The following UBP1 variants were observed in gnomAD, a reference collection of about 807,000 sequenced individuals.
UBP1 encodes upstream-binding protein 1.
In UBP1, 22 loss-of-function variants were observed where a neutral mutation model predicts 76.1. The observed-to-expected ratio is 0.29, with a 90% CI of 0.21 to 0.41. UBP1 has a LOEUF of 0.41. Among genes scored for constraint, UBP1 ranks in the 10% least tolerant of loss-of-function variants. UBP1 has a pLI of 1.00. For missense variants in UBP1, 436 were observed against 668.1 expected, an observed-to-expected ratio of 0.65 and a Z score of 3.83; for synonymous variants, 224 against 237.1, an observed-to-expected ratio of 0.94 and a Z score of 0.51.
At chr3:33,408,861 T>C (rs1468391084) in intron 7 of UBP1, 64 bp from the exon 8 acceptor site, 2 of 1,359,230 alleles carry the variant, frequency 1.5e-6, no homozygotes, top group Non-Finnish European at 2.1e-6. Flanking sequence ...TCTAACACCC[T>C]GTTTCATGTC....
At chr3:33,425,472 A>T in intron 2 of UBP1, 118 bp downstream of exon 2, 1 of 1,129,042 alleles carries the variant, frequency 8.9e-7, no homozygotes, top group Non-Finnish European at 1.2e-6. Context: ...TAAGTTGTAA[A>T]ATTTAAGAAA....
intron 2 of UBP1, among the ~76,000 whole-genome samples, chr3:33,418,942 G>A (rs1162176118): frequency 2.0e-5 from 3 of 150,972 alleles, no homozygotes; most frequent in African/African-American, 7.3e-5. Context: ...AAATGGACAT[G>A]TGGGTTCACA....
At chr3:33,408,474 G>A (rs2044489231) in intron 8 of UBP1, among the ~76,000 whole-genome samples, 1 of 152,032 alleles carries the variant, frequency 6.6e-6, no homozygotes, top group African/African-American at 2.4e-5. Context: ...ACCCAATATG[G>A]TCAACATTGT....
chr3:33,392,569 C>T lies in UBP1; in HGVS notation c.1579G>A (p.Val527Ile). Residue 527 changes from valine to isoleucine, a missense_variant, in exon 15 of 16, where the codon GTA (valine) becomes ATA (isoleucine). Physicochemically the swap from Val to Ile is conservative, Grantham distance 29. Coordinates refer to ENST00000283629, the MANE Select transcript of UBP1 (RefSeq NM_014517.5). ...ACACACACATGCAAAGTACCTTTTA[C>T]TGTGGAGAATAAAAAACAACTCTCA... ...QDESCFLFST[V>I]KAESSDGIHI... The T allele has an allele frequency of 1.2e-6, 2 of 1,611,366 alleles. No homozygotes were observed. Among genetic ancestry groups the T allele is most frequent in the South Asian group, 1.1e-5 (1 of 90,542 alleles).
chr3:33,397,816 A>G (rs2044066157), intron 11 of UBP1: 1 of 152,204 alleles, frequency 6.6e-6, no homozygotes, highest in African/African-American at 2.4e-5. Context: ...AGCACCACCT[A>G]GAGAAGCAGT....
At chr3:33,439,427 A>G (rs1253315692) in intron 1 of UBP1, among the ~76,000 whole-genome samples, 1 of 152,234 alleles carries the variant, frequency 6.6e-6, no homozygotes. Flanking sequence ...ACTTATAAGG[A>G]AAAGAAGCCC....
At chr3:33,396,035 G>C (rs1185804249) in intron 13 of UBP1, 127 bp downstream of exon 13, 1 of 764,178 alleles carries the variant, frequency 1.3e-6, no homozygotes, top group African/African-American at 1.7e-5. Context: ...TGCTGTCAAG[G>C]CTCCCACATG....
chr3:33,401,846 C>T (rs1278884490), intron 9 of UBP1, among the ~76,000 whole-genome samples: 2 of 152,058 alleles, frequency 1.3e-5, no homozygotes, highest in Non-Finnish European at 2.9e-5. Context: ...TTATTCAGAC[C>T]GGACTGACTG....
intron 11 of UBP1, 55 bp downstream of exon 11, chr3:33,400,134 A>G: frequency 8.3e-7 from 1 of 1,197,764 alleles, no homozygotes. Context: ...TAATAAAAGC[A>G]CAGAAACAAA....
At chr3:33,434,605 G>A (rs1010856682) in intron 1 of UBP1, among the ~76,000 whole-genome samples, 2 of 151,782 alleles carry the variant, frequency 1.3e-5, no homozygotes, top group Admixed American at 6.6e-5. Flanking sequence ...CTTTAGAGCA[G>A]GGGTTGACAA....
chr3:33,392,458 G>T, intron 15 of UBP1, 105 bp downstream of exon 15: 3 of 967,488 alleles, frequency 3.1e-6, no homozygotes, highest in Non-Finnish European at 4.5e-6. Context: ...TTCTTAAAAT[G>T]AGTAAAGCAA....
chr3:33,420,986 G>GA (rs1410001259), intron 2 of UBP1, among the ~76,000 whole-genome samples: 1 of 152,200 alleles, frequency 6.6e-6, no homozygotes, highest in Non-Finnish European at 1.5e-5. Context: ...CTAACAAGGA[G>GA]AAATTCTTTT....
chr3:33,407,444 T>C (rs532468788), intron 8 of UBP1, among the ~76,000 whole-genome samples: 55 of 151,996 alleles, frequency 3.6e-4, no homozygotes, highest in Non-Finnish European at 5.7e-4. Context: ...CATTGGTGGG[T>C]CTTCAGCTGA....
At position 33,396,280 on chromosome 3, in the gene UBP1, C is replaced by A. The variant is rs761628063; in HGVS notation, c.1272G>T (p.Arg424Ser). The A allele has an allele frequency of 6.4e-7, 1 of 1,571,986 alleles. No individual in the cohort carries two copies. The highest frequency in any genetic ancestry group is 8.7e-7 in the Non-Finnish European group (1 of 1,146,842). ...AGATGGTTAAACGGGGTCTAACCGA[C>A]CTGCAATCAGAAGATGCCACTGATG... ...GIRLYNSLKS[R>S]SVRPRLTIYV... The change falls in exon 13 of 16, where the codon AGG (arginine) becomes AGT (serine). Residue 424 changes from arginine (R) to serine (S), a missense_variant and splice_region_variant. By Grantham distance (110) the Arg-to-Ser change is moderately radical. Around this residue, in one of 3 missense-constraint regions of UBP1, gnomAD observed 210 missense variants for 272.8 expected, o/e 0.77. Transcript: ENST00000283629.
intron 1 of UBP1, among the ~76,000 whole-genome samples, chr3:33,430,199 A>G (rs1382837832): frequency 6.6e-6 from 1 of 152,252 alleles, no homozygotes; most frequent in African/African-American, 2.4e-5. Flanking sequence ...AGTCCAAGCA[A>G]GCCTAGAACT....
At chr3:33,403,815 G>A (rs996241548) in intron 8 of UBP1, among the ~76,000 whole-genome samples, 9 of 152,290 alleles carry the variant, frequency 5.9e-5, no homozygotes, top group Non-Finnish European at 1.3e-4. Context: ...ACATCACATG[G>A]TGTGATTTCA....
At chr3:33,403,117 A>G in intron 8 of UBP1, 5 of 500,790 alleles carry the variant, frequency 1.0e-5, no homozygotes, top group Non-Finnish European at 1.8e-5. Context: ...TTAATCTTAG[A>G]GAAGACCTAA....
In UBP1 at chr3:33,409,544, G is replaced by A. The variant is rs574391416; in HGVS notation, c.613C>T (p.Pro205Ser). The stretch of plus-strand genomic sequence containing the variant: ...AAGGTGTCAACCTGGATCCTAAAGG[G>A]CACTCCCTTTTCACCTCCGTGCTTC... ...PRKHGGEKGVPFRIQVDTFKQ... is the reference protein window; with the variant it reads ...PRKHGGEKGVSFRIQVDTFKQ... The change falls in exon 6 of 16, where the codon CCC becomes TCC. Residue 205 changes from proline to serine, a missense_variant. Coordinates refer to ENST00000283629, the MANE Select transcript of UBP1 (RefSeq NM_014517.5). 1.2e-6 allele frequency: 2 copies of A among 1,614,094 alleles called. No homozygotes were observed. The highest frequency in any genetic ancestry group is 1.1e-5 in the South Asian group (1 of 91,074).
intron 1 of UBP1, among the ~76,000 whole-genome samples, chr3:33,435,106 A>G (rs780939718): frequency 1.4e-4 from 21 of 152,276 alleles, no homozygotes; most frequent in Non-Finnish European, 2.6e-4. Flanking sequence ...TTAGCTTTAC[A>G]GTAATAAATT....
Sources: allele counts gnomAD v4.1 joint callset (sites outside exome capture counted in the v4.1 genomes callset), GRCh38; gene constraint gnomAD v4.1.1; regional missense constraint gnomAD v4.1.1; transcripts MANE v1.5; gene names NCBI Gene and HGNC (gene_info 2026-07-23, HGNC 2026-07-21).